KCNQ1: variants seen among roughly 807,000 people sequenced by gnomAD.
KCNQ1 encodes the protein potassium voltage-gated channel subfamily Q member 1, also known as potassium voltage-gated channel subfamily KQT member 1.
A neutral mutation model predicts 72.4 loss-of-function variants in KCNQ1; 49 were observed. The observed-to-expected ratio is 0.68, with a 90% CI of 0.54 to 0.86. The LOEUF (loss-of-function observed/expected upper bound fraction) is 0.86, where lower values mean the gene tolerates loss of function less well. KCNQ1 is among the 40% of genes least tolerant of loss of function. The pLI is 0.00. For synonymous variants in KCNQ1, 450 were observed against 412.6 expected (o/e 1.09, Z -1.10); for missense variants, 790 against 945.1 (o/e 0.84, Z 2.15).
chr11:2,445,793 G>A (rs1043287048), intron 1 of KCNQ1, among the ~76,000 whole-genome samples: 2 of 152,108 alleles, frequency 1.3e-5, no homozygotes, highest in Non-Finnish European at 2.9e-5. Context: ...AATCCTTCTG[G>A]GAAGAGAAGC....
chr11:2,515,427 A>T lies in KCNQ1; in HGVS notation c.387-12501A>T, dbSNP rs1227282520. 6.9e-6 allele frequency among the ~76,000 whole-genome samples: 1 copy of T among 144,928 alleles called. No individual in the cohort carries two copies. Among genetic ancestry groups the T allele is most frequent in the Admixed American group, 6.8e-5 (1 of 14,740 alleles). The stretch of plus-strand genomic sequence containing the variant: ...CGGAGCCCCTGGCCCAGGGGCGGGG[A>T]GGCCTGTCCACCCCTCCCACCCGTC... On this transcript the variant is annotated intron_variant, in intron 1 of 15. Transcript: ENST00000155840. The surrounding 1 kb of genome is among the most constrained non-coding windows in gnomAD (Gnocchi z 4.7).
At chr11:2,701,924 T>G (rs1441731280) in intron 11 of KCNQ1, among the ~76,000 whole-genome samples, 1 of 152,194 alleles carries the variant, frequency 6.6e-6, no homozygotes, top group Admixed American at 6.5e-5. Flanking sequence ...TTGGAGCCAT[T>G]GAGATAGGAA....
At chr11:2,790,907 C>T (rs1000571664) in intron 15 of KCNQ1, among the ~76,000 whole-genome samples, 2 of 152,192 alleles carry the variant, frequency 1.3e-5, no homozygotes, top group African/African-American at 4.8e-5. Flanking sequence ...GTCTTGCTTT[C>T]CCCAGCTATC....
chr11:2,584,976 G>A (rs937812078), intron 7 of KCNQ1, among the ~76,000 whole-genome samples: 16 of 152,322 alleles, frequency 1.1e-4, no homozygotes, highest in African/African-American at 2.6e-4. Flanking sequence ...GGGTTAGAGC[G>A]GCTGCAGCCC....
intron 14 of KCNQ1, among the ~76,000 whole-genome samples, chr11:2,777,264 C>G (rs1289178328): frequency 6.6e-6 from 1 of 150,680 alleles, no homozygotes; most frequent in Non-Finnish European, 1.5e-5. Flanking sequence ...ACCTGGGTCC[C>G]TTTAAATTCC....
At chr11:2,646,858 T>C (rs1263640556) in intron 10 of KCNQ1, 2 of 398,574 alleles carry the variant, frequency 5.0e-6, no homozygotes, top group Non-Finnish European at 8.8e-6. Flanking sequence ...TGCAACTTTA[T>C]TGAATTCCTT....
At chr11:2,633,247 C>T in intron 10 of KCNQ1, 1 of 398,420 alleles carries the variant, frequency 2.5e-6, no homozygotes, top group African/African-American at 2.1e-5. Context: ...GTGTTTTTTG[C>T]TGTTGAATTG....
In KCNQ1 at chr11:2,602,957, G is replaced by A. The variant is rs1848828182; in HGVS notation, c.1393+14103G>A. 6.6e-6 allele frequency among the ~76,000 whole-genome samples: 1 copy of A among 152,138 alleles called. No individual in the cohort carries two copies. The highest frequency in any genetic ancestry group is 2.4e-5 in the African/African-American group (1 of 41,418). ...TTTCCTTTTTATGGATTACACTTCTGATGTCAGGTCTAAGAAGTCTTTGGC... is the reference window on the plus strand; with the variant it reads ...TTTCCTTTTTATGGATTACACTTCTAATGTCAGGTCTAAGAAGTCTTTGGC... On this transcript the variant is annotated intron_variant, in intron 10 of 15. Coordinates refer to ENST00000155840, the MANE Select transcript of KCNQ1 (RefSeq NM_000218.3). The surrounding 1 kb of genome is among the most constrained non-coding windows in gnomAD (Gnocchi z 4.8).
At chr11:2,528,672 A>G (rs755210973) in intron 2 of KCNQ1, among the ~76,000 whole-genome samples, 6 of 152,266 alleles carry the variant, frequency 3.9e-5, no homozygotes, top group Non-Finnish European at 7.3e-5. Flanking sequence ...GGACTCTGGC[A>G]GGACTGGGTC....
rs1849273796 is a variant in KCNQ1 at position 2,627,114 on chromosome 11, T to A, written c.1394-34847T>A. 1 of 398,470 alleles carries A rather than the reference T, an allele frequency of 2.5e-6. No individual in the cohort carries two copies. 24.7% of individuals were successfully genotyped at this position (398,470 alleles called of 1,614,324 possible). A position where few individuals can be genotyped will look rare whatever the true frequency, so the allele number is the denominator to read the frequency against. ...TTCTTTCAGCATTGTTTTGTAATTT[T>A]CATTGTACAAGACTTTCACCTCCTT... On this transcript the variant is annotated intron_variant, in intron 10 of 15. Coordinates refer to ENST00000155840, the MANE Select transcript of KCNQ1 (RefSeq NM_000218.3). This position sits in a 1 kb window ranked among gnomAD's most constrained non-coding sequence, Gnocchi z 4.9.
At position 2,662,043 on chromosome 11, in the gene KCNQ1, A is replaced by G. The variant is rs370676650; in HGVS notation, c.1476A>G (p.Glu492=). Residue 492 remains glutamate, a synonymous_variant, in exon 11 of 16, where the codon GAA becomes GAG. Coordinates refer to ENST00000155840, the MANE Select transcript of KCNQ1 (RefSeq NM_000218.3). ...TNSFAEDLDL[E]GETLLTPITH... Reference sequence around the variant, plus strand: ...GCTTCGCCGAGGACCTGGACCTGGAAGGGGAGACTCTGCTGACACCCATCA... The same window carrying G: ...GCTTCGCCGAGGACCTGGACCTGGAGGGGGAGACTCTGCTGACACCCATCA... 1.3e-4 allele frequency: 215 copies of G among 1,614,088 alleles called. No homozygotes were observed. Among genetic ancestry groups the G allele is most frequent in the Non-Finnish European group, 1.8e-4 (209 of 1,180,044 alleles).
rs1403037666 is a variant in KCNQ1 at position 2,626,808 on chromosome 11, G to C, written c.1394-35153G>C. On this transcript the variant is annotated intron_variant, in intron 10 of 15. Transcript: ENST00000155840. The surrounding 1 kb of genome is among the most constrained non-coding windows in gnomAD (Gnocchi z 4.0). ...CTTCAAAAGTGCTGAGATTACAGGT[G>C]TAGGCCATTGTACCTGGCCTGTAGT... 2.8e-5 allele frequency: 11 copies of C among 398,618 alleles called. No homozygotes were observed. The highest frequency in any genetic ancestry group is 6.3e-4 in the Middle Eastern group (1 of 1,588). The allele number at this position is 398,618 out of a possible 1,614,324, so 24.7% of individuals were successfully genotyped here. A position where few individuals can be genotyped will look rare whatever the true frequency, so the allele number is the denominator to read the frequency against.
rs1348162693 is a variant in KCNQ1 at position 2,785,838 on chromosome 11, T to C, written c.1794+7801T>C. On this transcript the variant is annotated intron_variant, in intron 15 of 15. Coordinates refer to ENST00000155840, the MANE Select transcript of KCNQ1 (RefSeq NM_000218.3). This position sits in a 1 kb window ranked among gnomAD's most constrained non-coding sequence, Gnocchi z 4.4. ...AAAGGTTAACCTAGAACATTTTAAA[T>C]GAATATATATCAGAAGTAATTGCTA... 6.6e-6 allele frequency among the ~76,000 whole-genome samples: 1 copy of C among 152,210 alleles called. No homozygotes were observed. Among genetic ancestry groups the C allele is most frequent in the Non-Finnish European group, 1.5e-5 (1 of 67,922 alleles).
At chr11:2,575,473 C>A (rs1172931110) in intron 6 of KCNQ1, among the ~76,000 whole-genome samples, 1 of 152,206 alleles carries the variant, frequency 6.6e-6, no homozygotes, top group Non-Finnish European at 1.5e-5. Context: ...GTGTTCCTGG[C>A]ATTTCTCGGA....
At chr11:2,692,207 C>A (rs1294125130) in intron 11 of KCNQ1, 3 of 398,744 alleles carry the variant, frequency 7.5e-6, no homozygotes, top group Non-Finnish European at 1.3e-5. Context: ...ATTTCCGATA[C>A]ACCCGCTTCC....
chr11:2,597,730 G>A (rs538657157), intron 10 of KCNQ1, among the ~76,000 whole-genome samples: 1 of 152,290 alleles, frequency 6.6e-6, no homozygotes, highest in Non-Finnish European at 1.5e-5. Flanking sequence ...CCTGATACAT[G>A]TTTTATAGGA....
At chr11:2,527,906 C>T (rs1195361579) in intron 1 of KCNQ1, 22 bp from the exon 2 acceptor site, 2 of 1,608,894 alleles carry the variant, frequency 1.2e-6, no homozygotes, top group Non-Finnish European at 1.7e-6. Context: ...GTGATGCTGA[C>T]TGCCGTGTCC....
rs1015116520 is a variant in KCNQ1 at position 2,767,650 on chromosome 11, G to C, written c.1515-1194G>C. Among the ~76,000 whole-genome samples the C allele has an allele frequency of 2.6e-5, 4 of 152,218 alleles. No homozygotes were observed. The East Asian group carries it at 7.7e-4, about 29-fold the overall frequency. The stretch of plus-strand genomic sequence containing the variant: ...AGAGGTGGGGTTAATGTGATGGAAA[G>C]TTGGCATTGCTTAGTTTCTGGGGCT... On this transcript the variant is annotated intron_variant, in intron 11 of 15. Coordinates refer to ENST00000155840, the MANE Select transcript of KCNQ1 (RefSeq NM_000218.3). This position sits in a 1 kb window ranked among gnomAD's most constrained non-coding sequence, Gnocchi z 4.6.
At position 2,653,706 on chromosome 11, in the gene KCNQ1, A is replaced by G; in HGVS notation, c.1394-8255A>G. The G allele has an allele frequency of 2.5e-6, 1 of 398,710 alleles. No homozygotes were observed. Among genetic ancestry groups the G allele is most frequent in the Non-Finnish European group, 4.4e-6 (1 of 226,096 alleles). The allele number at this position is 398,710 out of a possible 1,614,324, so 24.7% of individuals were successfully genotyped here. ...TCAGGAAGCCCAGCAGAACGAGGTCATCTCTTCCAGGATTCCTGCCAGAAT... is the reference window on the plus strand; with the variant it reads ...TCAGGAAGCCCAGCAGAACGAGGTCGTCTCTTCCAGGATTCCTGCCAGAAT... On this transcript the variant is annotated intron_variant, in intron 10 of 15. Transcript: ENST00000155840. This position sits in a 1 kb window ranked among gnomAD's most constrained non-coding sequence, Gnocchi z 5.3.
Sources: allele counts gnomAD v4.1 joint callset (sites outside exome capture counted in the v4.1 genomes callset), GRCh38; gene constraint gnomAD v4.1.1; non-coding constraint Gnocchi (gnomAD v3.1); transcripts MANE v1.5; gene names NCBI Gene and HGNC (gene_info 2026-07-23, HGNC 2026-07-21).